LRRC18: variants seen among roughly 807,000 people sequenced by gnomAD.
The protein encoded by LRRC18 is leucine rich repeat containing 18, also known as leucine-rich repeat-containing protein 18.
In LRRC18, 12 loss-of-function variants were observed where a neutral mutation model predicts 11.2. That is an observed-to-expected ratio of 1.07 (90% CI 0.69 to 1.74). The LOEUF (loss-of-function observed/expected upper bound fraction) is 1.74, where lower values mean the gene tolerates loss of function less well. Ranked by LOEUF, LRRC18 falls within the 40% of genes most tolerant of loss-of-function variation. The pLI, the probability that LRRC18 is intolerant of heterozygous loss-of-function variation, is 0.00. For synonymous variants in LRRC18, 155 were observed against 130.6 expected, an observed-to-expected ratio of 1.19 and a Z score of -1.27; for missense variants, 374 against 330.5, an observed-to-expected ratio of 1.13 and a Z score of -1.02.
chr10:48,916,909 G>GTA (rs1838599536), upstream of LRRC18, among the ~76,000 whole-genome samples: 1 of 140,198 alleles, frequency 7.1e-6, no homozygotes, highest in African/African-American at 2.7e-5. Context: ...GTGTGTGTGT[G>GTA]TACAACCATG....
chr10:48,916,333 T>C (rs1280433438), upstream of LRRC18, among the ~76,000 whole-genome samples: 1 of 152,194 alleles, frequency 6.6e-6, no homozygotes, highest in Non-Finnish European at 1.5e-5. Context: ...TTTTTAAGGG[T>C]CAGAGACAGT....
chr10:48,933,875 C>T, the LRRC18 span, among the ~76,000 whole-genome samples: 2 of 152,056 alleles, frequency 1.3e-5, no homozygotes, highest in Non-Finnish European at 2.9e-5. Flanking sequence ...GGAGAAAGGG[C>T]CTGACATCAC....
At chr10:48,920,904 C>G in the LRRC18 span, among the ~76,000 whole-genome samples, 4 of 152,112 alleles carry the variant, frequency 2.6e-5, no homozygotes, top group Admixed American at 6.6e-5. Flanking sequence ...AATAATAATG[C>G]TCCAAATAAT....
At chr10:48,914,409 C>T (rs1364147574), upstream of LRRC18, among the ~76,000 whole-genome samples, 1 of 152,170 alleles carries the variant, frequency 6.6e-6, no homozygotes, top group Non-Finnish European at 1.5e-5. Context: ...GTGACTTCTT[C>T]AGACTTTGAT....
chr10:48,928,946 G>A, the LRRC18 span, among the ~76,000 whole-genome samples: 229 of 152,254 alleles, frequency 1.5e-3, 1 homozygote, highest in Non-Finnish European at 2.5e-3. Context: ...TGAAGGTCCC[G>A]CTCACATTCT....
At chr10:48,924,140 A>G in the LRRC18 span, among the ~76,000 whole-genome samples, 1 of 152,298 alleles carries the variant, frequency 6.6e-6, no homozygotes, top group East Asian at 1.9e-4. Context: ...TCACCTCCCC[A>G]GGGAGTCTGG....
the LRRC18 span, among the ~76,000 whole-genome samples, chr10:48,928,419 G>A: frequency 6.7e-6 from 1 of 149,742 alleles, no homozygotes; most frequent in Non-Finnish European, 1.5e-5. Context: ...GGCACAGGAG[G>A]CAGCAGCATG....
At chr10:48,920,310 G>T in the LRRC18 span, among the ~76,000 whole-genome samples, 1 of 135,852 alleles carries the variant, frequency 7.4e-6, no homozygotes, top group African/African-American at 2.8e-5. Context: ...GGTGGGAATT[G>T]AACAATGAGA....
chr10:48,928,698 C>A, the LRRC18 span, among the ~76,000 whole-genome samples: 1 of 152,196 alleles, frequency 6.6e-6, no homozygotes, highest in East Asian at 1.9e-4. Context: ...GGCCCACTGG[C>A]GACAGCCCAG....
upstream of LRRC18, among the ~76,000 whole-genome samples, chr10:48,916,609 G>T (rs1838560326): frequency 3.3e-5 from 5 of 152,170 alleles, no homozygotes; most frequent in South Asian, 1.0e-3. Context: ...ACAAAATCCA[G>T]CCAGAAGACC....
the LRRC18 span, among the ~76,000 whole-genome samples, chr10:48,923,062 A>G: frequency 6.6e-6 from 1 of 152,216 alleles, no homozygotes; most frequent in Non-Finnish European, 1.5e-5. Context: ...TTTTTAAAAA[A>G]ACTTTACAAA....
intron 1 of LRRC18, among the ~76,000 whole-genome samples, chr10:48,913,175 G>T (rs1274526147): frequency 6.6e-6 from 1 of 152,182 alleles, no homozygotes; most frequent in Non-Finnish European, 1.5e-5. Flanking sequence ...GTGAGTGTGT[G>T]TGCAGAGGAC....
exon 1 of LRRC18, chr10:48,913,740 G>C (rs11101561): frequency 5.0e-6 from 8 of 1,613,262 alleles, no homozygotes; most frequent in Non-Finnish European, 5.9e-6. Flanking sequence ...GGCCCCCAGT[G>C]TGGTGGGCAC....
the LRRC18 span, among the ~76,000 whole-genome samples, chr10:48,939,270 G>A: frequency 1.3e-5 from 2 of 152,196 alleles, no homozygotes; most frequent in South Asian, 2.1e-4. Context: ...TGTCAACATC[G>A]CCAGGACCAC....
At chr10:48,914,308 T>C (rs1454363397), upstream of LRRC18, 12 of 797,454 alleles carry the variant, frequency 1.5e-5, no homozygotes, top group African/African-American at 1.7e-5. Context: ...GACGCTTTGC[T>C]CTTCAGTGGT....
At chr10:48,921,941 A>G in the LRRC18 span, among the ~76,000 whole-genome samples, 3 of 152,202 alleles carry the variant, frequency 2.0e-5, no homozygotes, top group Non-Finnish European at 4.4e-5. Flanking sequence ...TAGTTATTAT[A>G]TCATCTGGCA....
the LRRC18 span, among the ~76,000 whole-genome samples, chr10:48,939,690 AAT>A: frequency 6.6e-6 from 1 of 152,264 alleles, no homozygotes; most frequent in Non-Finnish European, 1.5e-5. Flanking sequence ...AGAGTTCTGT[AAT>A]CACCTTCAGA....
chr10:48,929,659 G>C, the LRRC18 span, among the ~76,000 whole-genome samples: 1 of 152,186 alleles, frequency 6.6e-6, no homozygotes, highest in South Asian at 2.1e-4. Context: ...GTTCTTGCCC[G>C]GACCTTGCTC....
the LRRC18 span, among the ~76,000 whole-genome samples, chr10:48,921,403 T>C: frequency 6.6e-6 from 1 of 152,328 alleles, no homozygotes; most frequent in East Asian, 1.9e-4. Flanking sequence ...GATGTTGAAA[T>C]TGGTTATTTA....
Sources: allele counts gnomAD v4.1 joint callset (sites outside exome capture counted in the v4.1 genomes callset), GRCh38; gene constraint gnomAD v4.1.1; transcripts MANE v1.5; gene names NCBI Gene and HGNC (gene_info 2026-07-23, HGNC 2026-07-21).